WDR44: variants seen among roughly 807,000 people sequenced by gnomAD.
WDR44 encodes the protein WD repeat-containing protein 44.
A neutral mutation model predicts 65.7 loss-of-function variants in WDR44; 9 were observed. The observed-to-expected ratio is 0.14, with a 90% CI of 0.08 to 0.24. The LOEUF (loss-of-function observed/expected upper bound fraction) is 0.24, where lower values mean the gene tolerates loss of function less well. WDR44 is among the 10% of genes least tolerant of loss of function. WDR44 has a pLI of 1.00. For missense variants in WDR44, 425 were observed against 670.9 expected (o/e 0.63, Z 4.05); for synonymous variants, 220 against 235.2 (o/e 0.94, Z 0.59).
intron 12 of WDR44, among the ~76,000 whole-genome samples, chrX:118,427,180 T>C (rs62608407): frequency 0.26 from 28,942 of 109,216 alleles, 3,172 homozygotes; most frequent in African/African-American, 0.39. Flanking sequence ...CATCATAGCA[T>C]GTTGTGACCT....
chrX:118,444,461 G>A lies in WDR44; in HGVS notation c.2614G>A (p.Glu872Lys). The A allele has an allele frequency of 3.3e-6, 4 of 1,211,151 alleles. No homozygotes were observed. The highest frequency in any genetic ancestry group is 4.5e-6 in the Non-Finnish European group (4 of 895,075). ...AAAATCAGAAGGGAACGAGAAAAGT[G>A]AAGATGCTGAAGTTTTGGATGCCAC... is the stretch of plus-strand genomic sequence containing the variant. ...SEKSEGNEKS[E>K]DAEVLDATPS... Residue 872 changes from glutamate to lysine, a missense_variant, in exon 19 of 20, where the codon GAA becomes AAA. By Grantham distance (56) the Glu-to-Lys change is moderately conservative. Transcript: ENST00000254029.
chrX:118,387,950 C>A (rs1376369005), intron 3 of WDR44, among the ~76,000 whole-genome samples: 2 of 111,551 alleles, frequency 1.8e-5, no homozygotes, highest in African/African-American at 6.5e-5. Flanking sequence ...TTCATTTATA[C>A]AAGTTTTAAG....
chrX:118,388,541 G>A (rs185830258), intron 3 of WDR44, among the ~76,000 whole-genome samples: 8 of 111,398 alleles, frequency 7.2e-5, no homozygotes, highest in South Asian at 7.6e-4. Flanking sequence ...TCAGCCTCCC[G>A]AAGTGCTGGG....
At chrX:118,427,260 C>T (rs1203057070) in intron 12 of WDR44, among the ~76,000 whole-genome samples, 1 of 107,413 alleles carries the variant, frequency 9.3e-6, no homozygotes, top group Non-Finnish European at 1.9e-5. Flanking sequence ...GCAAGCACCA[C>T]CATGCCTGGC....
rs1716785 is a variant in WDR44, at chrX:118,346,197, T to C, written c.-307T>C. 0.31 allele frequency: 95,623 copies of C among 306,848 alleles called. 14,455 individuals are homozygous for C. The highest frequency in any genetic ancestry group is 0.73 in the African/African-American group (26,235 of 36,088). The allele number at this position is 306,848 out of a possible 1,213,427, so 25.3% of individuals were successfully genotyped here. A position where few individuals can be genotyped will look rare whatever the true frequency, so the allele number is the denominator to read the frequency against. On this transcript the variant is annotated 5_prime_UTR_variant, in exon 1 of 20. Coordinates refer to ENST00000254029, the MANE Select transcript of WDR44 (RefSeq NM_019045.5). ...CTGTAGCCGGCGCGCCCTTCTTCCC[T>C]TACTGCGAGGAGCCACCGCCTCTTT...
At chrX:118,381,576 C>CTTTTTTTTT (rs371445545) in intron 2 of WDR44, among the ~76,000 whole-genome samples, 1 of 87,167 alleles carries the variant, frequency 1.1e-5, no homozygotes, top group African/African-American at 4.6e-5. Flanking sequence ...GTTCTTTCTT[C>CTTTTTTTTT]TTTTTTTTTT....
chrX:118,413,424 A>G (rs1382909006), intron 12 of WDR44, among the ~76,000 whole-genome samples: 1 of 111,619 alleles, frequency 9.0e-6, no homozygotes, highest in Non-Finnish European at 1.9e-5. Flanking sequence ...TTTGATTTAC[A>G]TTTCCCTGAT....
chrX:118,388,645 G>A (rs1270462120), intron 3 of WDR44, among the ~76,000 whole-genome samples: 1 of 111,094 alleles, frequency 9.0e-6, no homozygotes, highest in Non-Finnish European at 1.9e-5. Flanking sequence ...CTTTTGGGAC[G>A]AATGGTGGAT....
rs186081439 is a variant in WDR44 at position 118,397,748 on chromosome X, G to A, written c.1191-639G>A. 6.3e-5 allele frequency among the ~76,000 whole-genome samples: 7 copies of A among 111,982 alleles called. No homozygotes were observed. In the East Asian group the frequency reaches 1.7e-3, roughly 27 times the overall value. ...ATGTAATGCAGGATGTACTTAATGA[G>A]TGGGGAGGAAGATACCTACAAGTTA... On this transcript the variant is annotated intron_variant, in intron 7 of 19. Transcript: ENST00000254029.
rs183599825 is a variant in WDR44 at position 118,441,913 on chromosome X, G to T, written c.2167-331G>T. Among the ~76,000 whole-genome samples the T allele has an allele frequency of 6.3e-5, 7 of 110,454 alleles. No homozygotes were observed. In the East Asian group the frequency reaches 2.0e-3, roughly 32 times the overall value. ...GTGCCACCACACTCAGCTAATTTTT[G>T]TATTTTTTGGTAGAGATGGGATTTC... On this transcript the variant is annotated intron_variant, in intron 15 of 19. Transcript: ENST00000254029.
chrX:118,425,135 C>T (rs1300200383), intron 12 of WDR44, among the ~76,000 whole-genome samples: 1 of 111,448 alleles, frequency 9.0e-6, no homozygotes, highest in Non-Finnish European at 1.9e-5. Flanking sequence ...GCTCAAAAAA[C>T]AGCAGCAAGG....
chrX:118,446,692 A>T (rs1375870923), intron 19 of WDR44, among the ~76,000 whole-genome samples: 1 of 112,159 alleles, frequency 8.9e-6, no homozygotes, highest in South Asian at 3.6e-4. Flanking sequence ...GATGAACTTC[A>T]GTCTAGCATT....
At chrX:118,419,448 GT>G (rs1399400488) in intron 12 of WDR44, among the ~76,000 whole-genome samples, 1 of 110,392 alleles carries the variant, frequency 9.1e-6, no homozygotes, top group African/African-American at 3.3e-5. Flanking sequence ...CAGACGTTCA[GT>G]TTCCCCAGTG....
chrX:118,369,975 C>G (rs2056600194), intron 1 of WDR44, among the ~76,000 whole-genome samples: 1 of 111,867 alleles, frequency 8.9e-6, no homozygotes, highest in Admixed American at 9.5e-5. Flanking sequence ...TATTTTGAAG[C>G]TGTTTCAGAC....
At chrX:118,352,352 A>ATATAT (rs1357425730) in intron 1 of WDR44, among the ~76,000 whole-genome samples, 3 of 14,224 alleles carry the variant, frequency 2.1e-4, no homozygotes, top group Non-Finnish European at 3.1e-4. Context: ...ATATATATAT[A>ATATAT]TTTTTTTTTT....
chrX:118,432,635 T>C (rs2057221990), intron 12 of WDR44, 146 bp from the exon 13 acceptor site: 1 of 514,224 alleles, frequency 1.9e-6, no homozygotes, highest in Admixed American at 3.2e-5. Context: ...TGCTAAGTAG[T>C]AAATCAGCAT....
chrX:118,414,021 T>TA (rs1327940876), intron 12 of WDR44, among the ~76,000 whole-genome samples: 2 of 111,328 alleles, frequency 1.8e-5, no homozygotes, highest in African/African-American at 6.5e-5. Context: ...CTGGGTTCTC[T>TA]ATTGTTTTCC....
chrX:118,362,705 T>C (rs935191423), intron 1 of WDR44, among the ~76,000 whole-genome samples: 12 of 110,112 alleles, frequency 1.1e-4, no homozygotes, highest in Admixed American at 8.7e-4. Context: ...GCATTGGCCA[T>C]GCAATTCTTC....
chrX:118,395,518 T>C lies in WDR44; in HGVS notation c.1053+174T>C, dbSNP rs781568783. Among the ~76,000 whole-genome samples the C allele has an allele frequency of 5.4e-5, 6 of 111,792 alleles. No homozygotes were observed. In the South Asian group the frequency reaches 1.1e-3, roughly 21 times the overall value. On this transcript the variant is annotated intron_variant, in intron 6 of 19. Coordinates refer to ENST00000254029, the MANE Select transcript of WDR44 (RefSeq NM_019045.5). ...GGTTAAAATGGTAAATTTTATGTTA[T>C]GTGTAGTTTACCACAATTTAATTTT...
Sources: gnomAD v4.1 joint callset for allele counts (sites outside exome capture counted in the v4.1 genomes callset) on GRCh38, gnomAD v4.1.1 for gene constraint, MANE v1.5 for transcripts, NCBI Gene and HGNC (gene_info 2026-07-23, HGNC 2026-07-21) for gene names.